HTR4: variants seen among roughly 807,000 people sequenced by gnomAD.
HTR4 encodes the protein 5-hydroxytryptamine receptor 4.
Under a neutral mutation model 36.8 loss-of-function variants are expected in HTR4, and 16 were observed. The observed-to-expected ratio is 0.43, with a 90% CI of 0.29 to 0.66. The LOEUF (loss-of-function observed/expected upper bound fraction) is 0.66. Among genes scored for constraint, HTR4 ranks in the 30% least tolerant of loss-of-function variants. The pLI is 0.13. For synonymous variants in HTR4, 189 were observed against 185.1 expected (o/e 1.02, Z -0.17); for missense variants, 438 against 490.9 (o/e 0.89, Z 1.02).
intron 4 of HTR4, among the ~76,000 whole-genome samples, chr5:148,544,038 C>T (rs533923915): frequency 1.3e-5 from 2 of 152,186 alleles, no homozygotes; most frequent in Non-Finnish European, 2.9e-5. Flanking sequence ...TGTGGATGGA[C>T]TTGCATTTGA....
intron 4 of HTR4, among the ~76,000 whole-genome samples, chr5:148,540,834 C>A (rs966567487): frequency 2.0e-5 from 3 of 152,016 alleles, no homozygotes; most frequent in African/African-American, 7.2e-5. Context: ...ATACTCAGGG[C>A]TGGAAGGCTA....
At chr5:148,623,296 T>A (rs1358806674) in intron 2 of HTR4, among the ~76,000 whole-genome samples, 1 of 152,108 alleles carries the variant, frequency 6.6e-6, no homozygotes, top group Non-Finnish European at 1.5e-5. Context: ...TTTGAACTTA[T>A]CTTAAGGAAA....
intron 2 of HTR4, among the ~76,000 whole-genome samples, chr5:148,584,187 A>G (rs1761257881): frequency 6.6e-6 from 1 of 152,212 alleles, no homozygotes; most frequent in East Asian, 1.9e-4. Context: ...CTTAAGTGAC[A>G]TAAATAAGGT....
chr5:148,614,463 A>G (rs1035683319), intron 2 of HTR4, among the ~76,000 whole-genome samples: 3 of 152,232 alleles, frequency 2.0e-5, no homozygotes, highest in Non-Finnish European at 4.4e-5. Context: ...GGTGCTGGGA[A>G]AACTGGCTAG....
chr5:148,598,983 TTAAG>T (rs1335589522), intron 2 of HTR4, among the ~76,000 whole-genome samples: 1 of 152,010 alleles, frequency 6.6e-6, no homozygotes, highest in East Asian at 1.9e-4. Flanking sequence ...ATTATTGAAA[TTAAG>T]TAAGTTAATT....
At chr5:148,581,676 A>C (rs1013777733) in intron 2 of HTR4, among the ~76,000 whole-genome samples, 4 of 152,018 alleles carry the variant, frequency 2.6e-5, no homozygotes, top group Non-Finnish European at 5.9e-5. Flanking sequence ...TGAGCCTACT[A>C]TTCTGTTCCA....
intron 5 of HTR4, 130 bp downstream of exon 5, chr5:148,523,062 TA>T (rs551345699): frequency 0.022 from 14,943 of 679,250 alleles, no homozygotes; most frequent in South Asian, 0.03. Flanking sequence ...GTGTTAGCTT[TA>T]AAAAAAAAAA....
At chr5:148,653,622 C>T (rs773505392) in intron 1 of HTR4, among the ~76,000 whole-genome samples, 1 of 152,076 alleles carries the variant, frequency 6.6e-6, no homozygotes, top group Non-Finnish European at 1.5e-5. Flanking sequence ...CACACACACA[C>T]ACACACACAG....
intron 1 of HTR4, among the ~76,000 whole-genome samples, chr5:148,641,558 C>T (rs1001101399): frequency 1.3e-5 from 2 of 152,192 alleles, no homozygotes; most frequent in Non-Finnish European, 2.9e-5. Flanking sequence ...AAGCTCAAAC[C>T]ACTGGAATTA....
At chr5:148,478,643 T>A (rs1229482861), downstream of HTR4, among the ~76,000 whole-genome samples, 1 of 152,078 alleles carries the variant, frequency 6.6e-6, no homozygotes, top group African/African-American at 2.4e-5. Flanking sequence ...GAACATTCCA[T>A]CCAGGGCATA....
rs1755889872 is a variant in HTR4, at chr5:148,481,613, C to T, written c.*1590G>A. On this transcript the variant is annotated 3_prime_UTR_variant, in exon 7 of 7. Coordinates refer to ENST00000377888, the MANE Select transcript of HTR4 (RefSeq NM_000870.7). ...TCCTTATTCCAAAGTTTCTTCCTGTCGGTTTCAGTTCCAGAACTAAAGTAA... is the reference window on the plus strand; with the variant it reads ...TCCTTATTCCAAAGTTTCTTCCTGTTGGTTTCAGTTCCAGAACTAAAGTAA... 2.7e-6 allele frequency: 4 copies of T among 1,508,110 alleles called. No individual in the cohort carries two copies. Among genetic ancestry groups the T allele is most frequent in the African/African-American group, 1.4e-5 (1 of 70,822 alleles). 93.4% of individuals were successfully genotyped at this position (1,508,110 alleles called of 1,614,324 possible). A position where few individuals can be genotyped will look rare whatever the true frequency, so the allele number is the denominator to read the frequency against.
At chr5:148,645,656 T>C (rs10044881) in intron 1 of HTR4, 25,798 of 152,104 alleles carry the variant, frequency 0.17, 2,302 homozygotes, top group South Asian at 0.22. Flanking sequence ...CCTCACAAGG[T>C]TGATGCAAAA....
intron 2 of HTR4, among the ~76,000 whole-genome samples, chr5:148,595,323 A>G (rs1209393545): frequency 6.6e-6 from 1 of 152,176 alleles, no homozygotes; most frequent in Middle Eastern, 3.2e-3. Flanking sequence ...CGACCAATGG[A>G]CACAGATGCC....
intron 1 of HTR4, among the ~76,000 whole-genome samples, chr5:148,652,197 G>A (rs1406929620): frequency 2.0e-5 from 3 of 152,116 alleles, no homozygotes; most frequent in East Asian, 3.9e-4. Context: ...ACCTGATAAC[G>A]TGGTAGCAGT....
At chr5:148,458,117 C>CA (rs1269528527) in intron 5 of HTR4, among the ~76,000 whole-genome samples, 1 of 49,724 alleles carries the variant, frequency 2.0e-5, no homozygotes, top group Non-Finnish European at 6.0e-5. Context: ...TTAAATAGAT[C>CA]TTAAAATATA....
intron 6 of HTR4, among the ~76,000 whole-genome samples, chr5:148,487,601 T>TA (rs1756223341): frequency 6.6e-6 from 1 of 152,176 alleles, no homozygotes; most frequent in African/African-American, 2.4e-5. Flanking sequence ...ATCTGCATTT[T>TA]AAAAAACTGC....
chr5:148,505,797 C>T (rs1473124301), intron 6 of HTR4, among the ~76,000 whole-genome samples: 1 of 152,110 alleles, frequency 6.6e-6, no homozygotes, highest in Non-Finnish European at 1.5e-5. Flanking sequence ...AATAAAATAC[C>T]TAGGAATCCA....
intron 2 of HTR4, among the ~76,000 whole-genome samples, chr5:148,633,859 G>A (rs1753421812): frequency 6.6e-6 from 1 of 152,036 alleles, no homozygotes; most frequent in Admixed American, 6.6e-5. Context: ...TCTTTTTTAT[G>A]TCTAATCCTG....
chr5:148,564,228 C>T (rs1432742255), intron 2 of HTR4, among the ~76,000 whole-genome samples: 1 of 152,160 alleles, frequency 6.6e-6, no homozygotes, highest in Non-Finnish European at 1.5e-5. Flanking sequence ...ATGAGGCACG[C>T]TTGTTAAACT....
Sources: gnomAD v4.1 joint callset for allele counts (sites outside exome capture counted in the v4.1 genomes callset) on GRCh38, gnomAD v4.1.1 for gene constraint, MANE v1.5 for transcripts, NCBI Gene and HGNC (gene_info 2026-07-23, HGNC 2026-07-21) for gene names.